Variants in LRRC43 observed in about 807,000 individuals in gnomAD.
LRRC43 encodes leucine-rich repeat-containing protein 43.
LRRC43 carries 62 observed loss-of-function variants against 64.3 expected under a neutral mutation model. The ratio of observed to expected loss-of-function variants is 0.96; its 90% confidence interval spans 0.79 to 1.19. The LOEUF (loss-of-function observed/expected upper bound fraction) is 1.19, where lower values mean the gene tolerates loss of function less well. Among genes scored for constraint, LRRC43 ranks in the 50% most tolerant of loss-of-function variants. LRRC43 has a pLI of 0.00. For synonymous variants in LRRC43, 422 were observed against 382.3 expected (o/e 1.10, Z -1.21); for missense variants, 868 against 845.0 (o/e 1.03, Z -0.34).
intron 1 of LRRC43, among the ~76,000 whole-genome samples, chr12:122,171,164 C>T (rs992047086): frequency 1.3e-5 from 2 of 152,186 alleles, no homozygotes; most frequent in African/African-American, 4.8e-5. Flanking sequence ...CTGCATGCCG[C>T]GCCTGGCATT....
At position 122,203,403 on chromosome 12, in the gene LRRC43, C is replaced by A. The variant is rs1026372627; in HGVS notation, c.1932C>A (p.Cys644Ter). 41 of 1,612,324 alleles carry A rather than the reference C, an allele frequency of 2.5e-5. No individual in the cohort carries two copies. The highest frequency in any genetic ancestry group is 3.3e-5 in the Non-Finnish European group (39 of 1,179,706). Residue 644 changes from cysteine (C) to a stop codon, truncating the protein, a stop_gained, in exon 12 of 12, where the codon TGC (cysteine) becomes TGA (stop). Transcript: ENST00000339777. LOFTEE classifies it low-confidence loss of function (END_TRUNC). ...TVEVQIQLNQ[C>*]RSAEEALRMF... is the part of the protein sequence containing the mutation. ...AGGTGCAGATCCAGCTGAACCAGTGCCGCTCGGCGGAGGAGGCTCTGCGCA... is the reference window on the plus strand; with the variant it reads ...AGGTGCAGATCCAGCTGAACCAGTGACGCTCGGCGGAGGAGGCTCTGCGCA...
intron 4 of LRRC43, chr12:122,189,490 T>C: frequency 2.2e-6 from 1 of 456,682 alleles, no homozygotes; most frequent in Non-Finnish European, 4.4e-6. Flanking sequence ...AGAGCCGAGA[T>C]CAATTTGCTT....
upstream of LRRC43, among the ~76,000 whole-genome samples, chr12:122,179,031 G>T (rs1211917827): frequency 4.6e-5 from 7 of 152,330 alleles, no homozygotes; most frequent in Middle Eastern, 3.4e-3. Context: ...CAGGCCTCAG[G>T]CCTTTGGGGC....
At chr12:122,201,449 G>A (rs1566014102) in intron 11 of LRRC43, 120 bp downstream of exon 11, 1 of 836,148 alleles carries the variant, frequency 1.2e-6, no homozygotes, top group Non-Finnish European at 2.0e-6. Context: ...CCTGGGGAGA[G>A]GCCACATCCC....
chr12:122,194,011 C>T (rs1398269641), intron 7 of LRRC43, among the ~76,000 whole-genome samples: 1 of 152,080 alleles, frequency 6.6e-6, no homozygotes, highest in Admixed American at 6.6e-5. Context: ...TCCTGTATAC[C>T]ATGTTCTTTC....
Position 122,192,822 on chromosome 12 carries a change from C to T in LRRC43, c.1167C>T (p.Asp389=), listed in dbSNP as rs745993170. The change falls in exon 7 of 12, where the codon GAC becomes GAT. Residue 389 remains aspartate (D), a synonymous_variant. Transcript: ENST00000339777. ...AGGTCGTGGAAGACGTCATCGAAGA[C>T]ATTGTTGAAGAGGTTACTGAAGAGG... ...PEEVVEDVIE[D]IVEEVTEEVE... 4 of 1,610,698 alleles carry T rather than the reference C, an allele frequency of 2.5e-6. No individual in the cohort carries two copies. In the South Asian group the frequency reaches 3.3e-5, roughly 13 times the overall value.
intron 1 of LRRC43, among the ~76,000 whole-genome samples, chr12:122,175,178 C>CTTTT (rs1284137195): frequency 6.7e-6 from 1 of 148,766 alleles, no homozygotes; most frequent in Non-Finnish European, 1.5e-5. Flanking sequence ...TTCTTTCTTT[C>CTTTT]TTTTTTTTTG....
intron 1 of LRRC43, among the ~76,000 whole-genome samples, chr12:122,173,615 C>G (rs1396091355): frequency 6.6e-6 from 1 of 151,134 alleles, no homozygotes; most frequent in East Asian, 1.9e-4. Context: ...ACCCAGGAAG[C>G]AGAGGTTGCA....
intron 1 of LRRC43, among the ~76,000 whole-genome samples, chr12:122,170,385 A>C (rs893979642): frequency 1.2e-4 from 18 of 152,226 alleles, no homozygotes; most frequent in Admixed American, 7.8e-4. Flanking sequence ...TAATCCCAGC[A>C]CTTTGGGAGG....
intron 1 of LRRC43, chr12:122,172,351 G>T: frequency 8.3e-7 from 1 of 1,198,882 alleles, no homozygotes; most frequent in Non-Finnish European, 1.2e-6. Flanking sequence ...CCCACACTTA[G>T]CTGTCGGTCA....
intron 1 of LRRC43, among the ~76,000 whole-genome samples, chr12:122,170,622 C>A (rs1953476964): frequency 6.6e-6 from 1 of 151,898 alleles, no homozygotes; most frequent in Non-Finnish European, 1.5e-5. Flanking sequence ...CAGAGTGAGA[C>A]TCTCCGAAGG....
chr12:122,174,213 A>T (rs1214158408), intron 1 of LRRC43: 1 of 1,613,790 alleles, frequency 6.2e-7, no homozygotes, highest in East Asian at 2.2e-5. Context: ...GGGCTTCTGG[A>T]GCCAGATGTG....
chr12:122,193,242 G>T (rs1045886433), intron 7 of LRRC43, among the ~76,000 whole-genome samples: 1 of 151,824 alleles, frequency 6.6e-6, no homozygotes, highest in Non-Finnish European at 1.5e-5. Flanking sequence ...TTAGCCAGGC[G>T]TGGTGGCAGG....
intron 7 of LRRC43, among the ~76,000 whole-genome samples, chr12:122,194,710 A>G (rs753310351): frequency 2.0e-5 from 3 of 151,950 alleles, no homozygotes; most frequent in Non-Finnish European, 4.4e-5. Context: ...ATCTCAAGCA[A>G]TCCTACTGCC....
At chr12:122,191,111 C>T (rs1007566681) in intron 5 of LRRC43, among the ~76,000 whole-genome samples, 16 of 152,174 alleles carry the variant, frequency 1.1e-4, no homozygotes, top group African/African-American at 3.9e-4. Flanking sequence ...GTCACTGTGA[C>T]GTGCTAGATA....
At chr12:122,168,162 C>T (rs1485101344) in intron 1 of LRRC43, among the ~76,000 whole-genome samples, 2 of 147,134 alleles carry the variant, frequency 1.4e-5, no homozygotes, top group African/African-American at 2.5e-5. Context: ...GTGGGAAGGC[C>T]GGGTGTGGTG....
intron 1 of LRRC43, among the ~76,000 whole-genome samples, chr12:122,173,303 A>C (rs1953505810): frequency 6.6e-6 from 1 of 152,230 alleles, no homozygotes; most frequent in Non-Finnish European, 1.5e-5. Flanking sequence ...ATAAAAGCCA[A>C]GGCTAAGGTC....
At chr12:122,170,248 A>G (rs1272747688) in intron 1 of LRRC43, among the ~76,000 whole-genome samples, 2 of 152,202 alleles carry the variant, frequency 1.3e-5, no homozygotes, top group Non-Finnish European at 2.9e-5. Flanking sequence ...GGACAGTCAA[A>G]AAGAGAGATA....
At chr12:122,183,418 G>C (rs2136027594) in intron 1 of LRRC43, 124 bp downstream of exon 1, 1 of 1,112,652 alleles carries the variant, frequency 9.0e-7, no homozygotes, top group Non-Finnish European at 1.2e-6. Flanking sequence ...CCGCCGACAT[G>C]GGGGCGGGTG....
Sources: gnomAD v4.1 joint callset for allele counts (sites outside exome capture counted in the v4.1 genomes callset) on GRCh38, gnomAD v4.1.1 for gene constraint, MANE v1.5 for transcripts, NCBI Gene and HGNC (gene_info 2026-07-23, HGNC 2026-07-21) for gene names.